SMARCB1: variants seen among roughly 807,000 people sequenced by gnomAD.
SMARCB1 encodes SWI/SNF-related matrix-associated actin-dependent regulator of chromatin subfamily B member 1.
A neutral mutation model predicts 49.0 loss-of-function variants in SMARCB1; 5 were observed. The observed-to-expected ratio is 0.10, with a 90% CI of 0.05 to 0.21. The LOEUF (loss-of-function observed/expected upper bound fraction) is 0.21. SMARCB1 is among the 10% of genes least tolerant of loss of function. SMARCB1 has a pLI of 1.00. For missense variants in SMARCB1, 226 were observed against 509.2 expected, an observed-to-expected ratio of 0.44 and a Z score of 5.35; for synonymous variants, 201 against 200.1, an observed-to-expected ratio of 1.00 and a Z score of -0.04.
chr22:23,814,464 G>A (rs552976546), intron 5 of SMARCB1, among the ~76,000 whole-genome samples: 2 of 152,176 alleles, frequency 1.3e-5, no homozygotes, highest in Admixed American at 6.5e-5. Context: ...TCACGAGTTC[G>A]AGACCAGCCT....
intron 7 of SMARCB1, among the ~76,000 whole-genome samples, chr22:23,829,965 A>G (rs1253168240): frequency 1.3e-5 from 2 of 152,208 alleles, no homozygotes; most frequent in African/African-American, 2.4e-5. Context: ...AGGATTATCC[A>G]TGTTGTAGCA....
intron 6 of SMARCB1, chr22:23,822,971 TTTTTTTTTTTTTTTTTTTTTTTTTTTTG>T (rs2030177687): frequency 2.0e-5 from 1 of 49,936 alleles, no homozygotes; most frequent in African/African-American, 1.5e-4. Context: ...TTTTTTTTTT[TTTTTTTTTTTTTTTTTTTTTTTTTTTTG>T]ACACAGAGTC....
At chr22:23,795,789 CTTTT>C (rs1237100249) in intron 3 of SMARCB1, among the ~76,000 whole-genome samples, 1 of 133,958 alleles carries the variant, frequency 7.5e-6, no homozygotes, top group African/African-American at 2.7e-5. Flanking sequence ...GCTGGAGGTG[CTTTT>C]TTTTTTTTTT....
chr22:23,829,345 C>T (rs917393632), intron 7 of SMARCB1, among the ~76,000 whole-genome samples: 6 of 152,096 alleles, frequency 3.9e-5, no homozygotes, highest in East Asian at 1.9e-4. Flanking sequence ...CAGGAAGGAC[C>T]GAGAGGAGAC....
intron 3 of SMARCB1, among the ~76,000 whole-genome samples, chr22:23,796,351 C>T (rs77238856): frequency 0.018 from 2,800 of 151,744 alleles, 61 homozygotes; most frequent in South Asian, 0.11. Context: ...GTGACCCATA[C>T]ATGGTATAAT....
chr22:23,803,264 T>A, intron 4 of SMARCB1, 31 bp from the exon 5 acceptor site: 2 of 1,613,982 alleles, frequency 1.2e-6, no homozygotes, highest in Non-Finnish European at 1.7e-6. Flanking sequence ...TCCGGCCCCC[T>A]CGCTGACTGT....
In SMARCB1 at chr22:23,835,820, C is replaced by T. The variant is rs2031001726; in HGVS notation, c.*1640C>T. 4.1e-6 allele frequency: 4 copies of T among 985,330 alleles called. No homozygotes were observed. The highest frequency in any genetic ancestry group is 4.8e-6 in the Non-Finnish European group (4 of 829,962). The allele number at this position is 985,330 out of a possible 1,614,324, so 61.0% of individuals were successfully genotyped here. ...ACCTTGGCTGCCTCACCCCACAGGT[C>T]GGGCAGGGCCACCTGGCTGGGAGGT... On this transcript the variant is annotated 3_prime_UTR_variant, in exon 9 of 9. Coordinates refer to ENST00000644036, the MANE Select transcript of SMARCB1 (RefSeq NM_003073.5).
At chr22:23,817,106 T>C in intron 6 of SMARCB1, 170 bp downstream of exon 6, 1 of 646,422 alleles carries the variant, frequency 1.5e-6, no homozygotes, top group Non-Finnish European at 2.8e-6. Flanking sequence ...AGGAAGGGCA[T>C]AGGCTGAGTT....
intron 5 of SMARCB1, among the ~76,000 whole-genome samples, chr22:23,806,318 G>T (rs898568672): frequency 6.6e-6 from 1 of 152,152 alleles, no homozygotes; most frequent in African/African-American, 2.4e-5. Flanking sequence ...TCACTGGGCT[G>T]TTCCTCCTAG....
At chr22:23,793,001 C>T (rs1356285074) in intron 2 of SMARCB1, 3 of 200,590 alleles carry the variant, frequency 1.5e-5, no homozygotes, top group African/African-American at 2.3e-5. Flanking sequence ...AGAATCTGTC[C>T]TGCTTCCCAG....
At chr22:23,833,748 G>A (rs2146043220) in intron 8 of SMARCB1, 45 bp downstream of exon 8, 4 of 1,610,780 alleles carry the variant, frequency 2.5e-6, no homozygotes, top group Non-Finnish European at 3.4e-6. Flanking sequence ...CAGGCACCTG[G>A]CTTTCCAGGC....
At chr22:23,827,741 G>T (rs931159053) in intron 7 of SMARCB1, among the ~76,000 whole-genome samples, 1 of 152,110 alleles carries the variant, frequency 6.6e-6, no homozygotes, top group Non-Finnish European at 1.5e-5. Context: ...GGAGGGCTGC[G>T]TGTGTCTTCC....
chr22:23,800,081 G>A (rs1929047541), intron 3 of SMARCB1, among the ~76,000 whole-genome samples: 1 of 152,174 alleles, frequency 6.6e-6, no homozygotes, highest in African/African-American at 2.4e-5. Context: ...CATCCGCCTT[G>A]GCCTCCCAAA....
At position 23,825,254 on chromosome 22, in the gene SMARCB1, G is replaced by C; in HGVS notation, c.825G>C (p.Leu275=). The C allele has an allele frequency of 6.2e-7, 1 of 1,614,140 alleles. No individual in the cohort carries two copies. The highest frequency in any genetic ancestry group is 8.5e-7 in the Non-Finnish European group (1 of 1,179,948). The part of the protein sequence containing the change: ...KLNIHVGNIS[L]VDQFEWDMSE... ...ACATCCATGTGGGAAACATTTCCCT[G>C]GTGGACCAGTTTGAGTGGGACATGT... is the stretch of plus-strand genomic sequence containing the variant. The change falls in exon 7 of 9, where the codon CTG becomes CTC. Residue 275 remains leucine (L), a synonymous_variant. Transcript: ENST00000644036.
intron 5 of SMARCB1, among the ~76,000 whole-genome samples, chr22:23,809,981 C>T (rs901376517): frequency 6.6e-6 from 1 of 150,408 alleles, no homozygotes; most frequent in South Asian, 2.1e-4. Flanking sequence ...CCAGCCTGAC[C>T]AACATGGTGA....
intron 1 of SMARCB1, among the ~76,000 whole-genome samples, chr22:23,790,824 G>A (rs1267971269): frequency 6.6e-6 from 1 of 152,120 alleles, no homozygotes; most frequent in African/African-American, 2.4e-5. Context: ...TCGAGCCTGG[G>A]TGACAGAGCG....
At chr22:23,822,431 A>C (rs1019533057) in intron 6 of SMARCB1, among the ~76,000 whole-genome samples, 2 of 152,100 alleles carry the variant, frequency 1.3e-5, no homozygotes, top group African/African-American at 4.8e-5. Context: ...CTGTGAGTCC[A>C]CCTGGAGTCC....
chr22:23,788,491 G>A (rs1352748336), intron 1 of SMARCB1, among the ~76,000 whole-genome samples: 2 of 146,408 alleles, frequency 1.4e-5, no homozygotes, highest in Non-Finnish European at 3.0e-5. Flanking sequence ...CTGCAGCCTT[G>A]ACCTCCTGGG....
At chr22:23,789,920 G>A (rs780917359) in intron 1 of SMARCB1, among the ~76,000 whole-genome samples, 1 of 152,222 alleles carries the variant, frequency 6.6e-6, no homozygotes, top group African/African-American at 2.4e-5. Context: ...CTGTGGAGCT[G>A]TCTTGGGAAG....
Sources: allele counts gnomAD v4.1 joint callset (sites outside exome capture counted in the v4.1 genomes callset), GRCh38; gene constraint gnomAD v4.1.1; transcripts MANE v1.5; gene names NCBI Gene and HGNC (gene_info 2026-07-23, HGNC 2026-07-21).